Variants in GABRG3 observed in about 807,000 individuals in gnomAD.
GABRG3 encodes gamma-aminobutyric acid receptor subunit gamma-3.
A neutral mutation model predicts 48.8 loss-of-function variants in GABRG3; 25 were observed. That is an observed-to-expected ratio of 0.51 (90% CI 0.37 to 0.72). GABRG3 has a LOEUF of 0.72. Among genes scored for constraint, GABRG3 ranks in the 30% least tolerant of loss-of-function variants. The pLI is 0.00. For synonymous variants in GABRG3, 227 were observed against 217.6 expected, an observed-to-expected ratio of 1.04 and a Z score of -0.38; for missense variants, 394 against 577.9, an observed-to-expected ratio of 0.68 and a Z score of 3.26.
intron 5 of GABRG3, among the ~76,000 whole-genome samples, chr15:27,446,203 A>T (rs1414061575): frequency 1.3e-5 from 2 of 152,228 alleles, no homozygotes; most frequent in Non-Finnish European, 2.9e-5. Flanking sequence ...TTTCATATAA[A>T]TTGCATCGTA....
At chr15:27,435,124 T>C (rs2140626775) in intron 5 of GABRG3, among the ~76,000 whole-genome samples, 1 of 151,828 alleles carries the variant, frequency 6.6e-6, no homozygotes, top group Non-Finnish European at 1.5e-5. Context: ...GTTTTCCTTG[T>C]CCTAAGGGTC....
intron 2 of GABRG3, among the ~76,000 whole-genome samples, chr15:26,984,720 GT>G (rs1403317077): frequency 6.6e-6 from 1 of 151,896 alleles, no homozygotes; most frequent in Non-Finnish European, 1.5e-5. Flanking sequence ...AATGGCCTAA[GT>G]AAATTTCACT....
intron 5 of GABRG3, among the ~76,000 whole-genome samples, chr15:27,454,574 G>C (rs553205652): frequency 6.6e-6 from 1 of 152,128 alleles, no homozygotes; most frequent in East Asian, 1.9e-4. Flanking sequence ...CCATCCTGAC[G>C]CCCAGTGCTG....
chr15:27,060,129 A>G lies in GABRG3; in HGVS notation c.270+33308A>G, dbSNP rs1896620397. Among the ~76,000 whole-genome samples, 3 of 152,242 alleles carry G rather than the reference A, an allele frequency of 2.0e-5. No individual in the cohort carries two copies. The South Asian group carries it at 6.2e-4, about 32-fold the overall frequency. On this transcript the variant is annotated intron_variant, in intron 3 of 9. Transcript: ENST00000615808. ...TGACAGTAAGGGGAGTTTAAAATCCAGTTGGTTTTTAACATTTTTGTATCT... is the reference window on the plus strand; with the variant it reads ...TGACAGTAAGGGGAGTTTAAAATCCGGTTGGTTTTTAACATTTTTGTATCT...
Position 27,535,183 on chromosome 15 carries a change from A to G in GABRG3, c.*2302A>G, listed in dbSNP as rs1291603312. ...TTAAGACACAATGTCAAACGTTATGAATGGGTAATTTCTAACAAGCTGAAG... is the reference window on the plus strand; with the variant it reads ...TTAAGACACAATGTCAAACGTTATGGATGGGTAATTTCTAACAAGCTGAAG... On this transcript the variant is annotated 3_prime_UTR_variant, in exon 10 of 10. Transcript: ENST00000615808. The G allele has an allele frequency of 6.6e-6, 1 of 152,188 alleles. No individual in the cohort carries two copies. The highest frequency in any genetic ancestry group is 1.5e-5 in the Non-Finnish European group (1 of 68,042). 9.4% of individuals were successfully genotyped at this position (152,188 alleles called of 1,614,324 possible).
At chr15:27,209,334 C>T (rs4887528) in intron 3 of GABRG3, among the ~76,000 whole-genome samples, 38,419 of 143,564 alleles carry the variant, frequency 0.27, 5,482 homozygotes, top group South Asian at 0.46. Context: ...AATGCTCTTT[C>T]TTTCTTTCTT....
chr15:27,098,314 G>A (rs573546072), intron 3 of GABRG3, among the ~76,000 whole-genome samples: 3 of 152,196 alleles, frequency 2.0e-5, no homozygotes, highest in South Asian at 2.1e-4. Flanking sequence ...GGCATCTATA[G>A]TTCCAGCTAC....
chr15:27,339,626 G>A (rs1171001780), intron 5 of GABRG3, among the ~76,000 whole-genome samples: 3 of 152,122 alleles, frequency 2.0e-5, no homozygotes, highest in African/African-American at 4.8e-5. Context: ...CTTCAGTATC[G>A]TCCCCCAATA....
chr15:27,239,929 T>C (rs1030646375), intron 3 of GABRG3, among the ~76,000 whole-genome samples: 10 of 152,232 alleles, frequency 6.6e-5, no homozygotes, highest in Admixed American at 5.9e-4. Context: ...TCCAGCTAAT[T>C]GTATTATGAT....
At chr15:27,168,421 A>C (rs1887453006) in intron 3 of GABRG3, among the ~76,000 whole-genome samples, 1 of 152,184 alleles carries the variant, frequency 6.6e-6, no homozygotes, top group South Asian at 2.1e-4. Flanking sequence ...CACAACGTTC[A>C]GTTGTTTAGG....
intron 6 of GABRG3, among the ~76,000 whole-genome samples, chr15:27,506,953 A>G (rs931241650): frequency 1.2e-4 from 19 of 152,252 alleles, no homozygotes; most frequent in African/African-American, 4.6e-4. Flanking sequence ...ATTGCAATAT[A>G]AGCATTTAAT....
intron 3 of GABRG3, among the ~76,000 whole-genome samples, chr15:27,273,432 C>T (rs1242555757): frequency 6.6e-6 from 1 of 152,184 alleles, no homozygotes; most frequent in African/African-American, 2.4e-5. Flanking sequence ...AGGTTTCTAA[C>T]TTGTTTTGAT....
intron 3 of GABRG3, among the ~76,000 whole-genome samples, chr15:27,293,465 A>G (rs1375097327): frequency 6.6e-6 from 1 of 152,136 alleles, no homozygotes; most frequent in East Asian, 1.9e-4. Context: ...ACTTGAGGCC[A>G]GGAGTTGGAG....
At chr15:27,351,850 G>T in intron 5 of GABRG3, among the ~76,000 whole-genome samples, 1 of 148,490 alleles carries the variant, frequency 6.7e-6, no homozygotes. Context: ...GTGTTTGTAT[G>T]GTGTGTTTGT....
intron 3 of GABRG3, among the ~76,000 whole-genome samples, chr15:27,128,999 C>A (rs1897869895): frequency 6.6e-6 from 1 of 152,000 alleles, no homozygotes; most frequent in African/African-American, 2.4e-5. Flanking sequence ...TAATTTAAGT[C>A]AATATTGGAG....
chr15:27,419,197 C>T (rs1343654814), intron 5 of GABRG3: 1 of 152,358 alleles, frequency 6.6e-6, no homozygotes, highest in Non-Finnish European at 1.5e-5. Context: ...CCCTGCACCT[C>T]CTGCACCTTC....
At chr15:27,094,949 T>C (rs1164145072) in intron 3 of GABRG3, among the ~76,000 whole-genome samples, 2 of 152,208 alleles carry the variant, frequency 1.3e-5, no homozygotes, top group Non-Finnish European at 2.9e-5. Context: ...GCCTGTTTTA[T>C]ACACAAGACA....
intron 3 of GABRG3, among the ~76,000 whole-genome samples, chr15:27,316,309 A>G (rs1479548517): frequency 7.0e-6 from 1 of 143,500 alleles, no homozygotes; most frequent in African/African-American, 2.6e-5. Flanking sequence ...AATGGCGTGA[A>G]CCCGGGAGGC....
intron 5 of GABRG3, among the ~76,000 whole-genome samples, chr15:27,421,477 AGGC>A (rs1400636829): frequency 6.6e-6 from 1 of 152,164 alleles, no homozygotes; most frequent in Admixed American, 6.5e-5. Flanking sequence ...GAGTATTCTA[AGGC>A]GTCCATGGGA....
Sources: allele counts gnomAD v4.1 joint callset (sites outside exome capture counted in the v4.1 genomes callset), GRCh38; gene constraint gnomAD v4.1.1; transcripts MANE v1.5; gene names NCBI Gene and HGNC (gene_info 2026-07-23, HGNC 2026-07-21).